Variants in ANKRD61 observed in about 807,000 individuals in gnomAD.
ANKRD61 encodes ankyrin repeat domain-containing protein 61.
In ANKRD61, 7 loss-of-function variants were observed where a neutral mutation model predicts 8.4. The observed-to-expected ratio is 0.84, with a 90% CI of 0.48 to 1.57. The LOEUF (loss-of-function observed/expected upper bound fraction) is 1.57. Among genes scored for constraint, ANKRD61 ranks in the 40% most tolerant of loss-of-function variants. The pLI, the probability that ANKRD61 is intolerant of heterozygous loss-of-function variation, is 0.00. For synonymous variants in ANKRD61, 198 were observed against 208.0 expected, an observed-to-expected ratio of 0.95 and a Z score of 0.41; for missense variants, 516 against 523.4, an observed-to-expected ratio of 0.99 and a Z score of 0.14.
In ANKRD61 at chr7:6,035,785, C is replaced by T. The variant is rs540450182; in HGVS notation, c.656C>T (p.Thr219Met). The T allele has an allele frequency of 2.3e-5, 35 of 1,551,078 alleles. No individual in the cohort carries two copies. Among genetic ancestry groups the T allele is most frequent in the Middle Eastern group, 1.7e-4 (1 of 5,998 alleles). Residue 219 changes from threonine (T) to methionine (M), a missense_variant, in exon 3 of 3, where the codon ACG (threonine) becomes ATG (methionine). By Grantham distance (81) the Thr-to-Met change is moderately conservative. Transcript: ENST00000409061. This position sits in a 1 kb window ranked among gnomAD's most constrained non-coding sequence, Gnocchi z 5.5. ...ANMLNKEMMETLIAYGANVNC... is the reference protein window; with the variant it reads ...ANMLNKEMMEMLIAYGANVNC... ...ATGCTGAATAAGGAGATGATGGAAACGCTCATTGCCTATGGAGCAAACGTC... is the reference window on the plus strand; with the variant it reads ...ATGCTGAATAAGGAGATGATGGAAATGCTCATTGCCTATGGAGCAAACGTC...
At position 6,033,637 on chromosome 7, in the gene ANKRD61, CTGGAG is replaced by C; in HGVS notation, c.314+704_314+708del. Among the ~76,000 whole-genome samples the C allele has an allele frequency of 6.6e-6, 1 of 151,646 alleles. No individual in the cohort carries two copies. The highest frequency in any genetic ancestry group is 2.0e-4 in the East Asian group (1 of 5,126). ...ACAGAGTCTCGCTCTGTCGCCCAGG[CTGGAG>C]TGCAGTGGCACCATTCTCCTGGGTT... On this transcript the variant is annotated intron_variant, in intron 2 of 2. Coordinates refer to ENST00000409061, the MANE Select transcript of ANKRD61 (RefSeq NM_001271700.2). This position sits in a 1 kb window ranked among gnomAD's most constrained non-coding sequence, Gnocchi z 4.4.
Position 6,034,474 on chromosome 7 carries a change from CCTTAGGGGACCCTTT to C in ANKRD61, c.315-968_315-954del, listed in dbSNP as rs1157458821. On this transcript the variant is annotated intron_variant, in intron 2 of 2. Coordinates refer to ENST00000409061, the MANE Select transcript of ANKRD61 (RefSeq NM_001271700.2). ...AACCATCACAGACTCGCCCCATTCT[CCTTAGGGGACCCTTT>C]CCTACCCTGCATACTGCATGCACTA... Among the ~76,000 whole-genome samples the C allele has an allele frequency of 5.9e-5, 9 of 152,192 alleles. No individual in the cohort carries two copies. In the East Asian group the frequency reaches 1.7e-3, roughly 29 times the overall value.
At position 6,035,883 on chromosome 7, in the gene ANKRD61, C is replaced by T. The variant is rs189141637; in HGVS notation, c.754C>T (p.Arg252Ter). 4.1e-5 allele frequency: 64 copies of T among 1,546,640 alleles called. 2 individuals are homozygous for T. The East Asian group carries it at 6.9e-4, about 17-fold the overall frequency. ...GTGCACTGCATCAAGCAAAGCAGGC[C>T]GACTCCTCGGGGCGGGGGTCAGCTG... Reference protein sequence around the residue: ...AVCTASSKAGRLLGAGVSCIR... With the variant: ...AVCTASSKAG The change falls in exon 3 of 3, where the codon CGA becomes TGA. Residue 252 changes from arginine to a stop codon, truncating the protein, a stop_gained. Transcript: ENST00000409061. LOFTEE classifies it low-confidence loss of function (END_TRUNC). The surrounding 1 kb of genome is among the most constrained non-coding windows in gnomAD (Gnocchi z 5.5).
intron 1 of ANKRD61, 38 bp downstream of exon 1, chr7:6,031,629 T>G (rs1024948832): frequency 1.3e-6 from 2 of 1,542,870 alleles, no homozygotes; most frequent in African/African-American, 1.4e-5. Context: ...TGGAAAAAAG[T>G]CAGGCTGCTT....
rs911225722 is a variant in ANKRD61, at chr7:6,033,425, C to G, written c.314+489C>G. ...ATACTCTGAAAAACTGAGAAAAATG[C>G]AACATCATAAATATTTTGCCAAATT... On this transcript the variant is annotated intron_variant, in intron 2 of 2. Transcript: ENST00000409061. The surrounding 1 kb of genome is among the most constrained non-coding windows in gnomAD (Gnocchi z 4.4). 8.5e-5 allele frequency among the ~76,000 whole-genome samples: 13 copies of G among 152,088 alleles called. No individual in the cohort carries two copies. Among genetic ancestry groups the G allele is most frequent in the Non-Finnish European group, 1.6e-4 (11 of 68,032 alleles).
Position 6,035,894 on chromosome 7 carries a change from G to A in ANKRD61, c.765G>A (p.Gly255=). ...TASSKAGRLL[G]AGVSCIRLLL... ...CAAGCAAAGCAGGCCGACTCCTCGG[G>A]GCGGGGGTCAGCTGCATCCGTCTGC... The change falls in exon 3 of 3, where the codon GGG becomes GGA. Residue 255 remains glycine (G), a synonymous_variant. Transcript: ENST00000409061. The surrounding 1 kb of genome is among the most constrained non-coding windows in gnomAD (Gnocchi z 5.5). 1 of 1,546,886 alleles carries A rather than the reference G, an allele frequency of 6.5e-7. No individual in the cohort carries two copies. Among genetic ancestry groups the A allele is most frequent in the Non-Finnish European group, 8.7e-7 (1 of 1,144,646 alleles).
rs1787969485 is a variant in ANKRD61 at position 6,033,273 on chromosome 7, C to G, written c.314+337C>G. Among the ~76,000 whole-genome samples the G allele has an allele frequency of 6.6e-6, 1 of 152,132 alleles. No individual in the cohort carries two copies. Among genetic ancestry groups the G allele is most frequent in the African/African-American group, 2.4e-5 (1 of 41,430 alleles). On this transcript the variant is annotated intron_variant, in intron 2 of 2. Transcript: ENST00000409061. The surrounding 1 kb of genome is among the most constrained non-coding windows in gnomAD (Gnocchi z 4.4). ...CCCTCAGCCACAGCACCCAGCTTCA[C>G]TGACAATCATTTCTAAGTGAGGATA...
At chr7:6,034,031 G>A (rs569473240) in intron 2 of ANKRD61, among the ~76,000 whole-genome samples, 4 of 151,172 alleles carry the variant, frequency 2.6e-5, no homozygotes, top group Non-Finnish European at 5.9e-5. Context: ...GAATTAAGTA[G>A]TATAGGCCGG....
At chr7:6,034,094 G>A (rs1403660451) in intron 2 of ANKRD61, among the ~76,000 whole-genome samples, 1 of 151,438 alleles carries the variant, frequency 6.6e-6, no homozygotes, top group Non-Finnish European at 1.5e-5. Context: ...GAGGTGGGTG[G>A]ATCATGAGGT....
chr7:6,035,131 A>G lies in ANKRD61; in HGVS notation c.315-313A>G, dbSNP rs1270507241. On this transcript the variant is annotated intron_variant, in intron 2 of 2. Transcript: ENST00000409061. This position sits in a 1 kb window ranked among gnomAD's most constrained non-coding sequence, Gnocchi z 5.5. ...AGCCCTAGCGGGGACGGCACAGGTA[A>G]AACAGGCTGCTCCAAGAAGCTGGGC... 6.6e-6 allele frequency among the ~76,000 whole-genome samples: 1 copy of G among 152,178 alleles called. No individual in the cohort carries two copies. Among genetic ancestry groups the G allele is most frequent in the Non-Finnish European group, 1.5e-5 (1 of 68,032 alleles).
In ANKRD61 at chr7:6,035,890, TC is replaced by T. The variant is rs1407622842; in HGVS notation, c.762del (p.Ala256ArgfsTer52). On this transcript the variant is annotated frameshift_variant, in exon 3 of 3. Coordinates refer to ENST00000409061, the MANE Select transcript of ANKRD61 (RefSeq NM_001271700.2). LOFTEE classifies it low-confidence loss of function (END_TRUNC). This position sits in a 1 kb window ranked among gnomAD's most constrained non-coding sequence, Gnocchi z 5.5. ...CTASSKAGRL[L>X]GAGVSCIRLL... ...GCATCAAGCAAAGCAGGCCGACTCC[TC>T]GGGGCGGGGGTCAGCTGCATCCGTC... The T allele has an allele frequency of 6.5e-7, 1 of 1,546,686 alleles. No homozygotes were observed. Among genetic ancestry groups the T allele is most frequent in the East Asian group, 2.4e-5 (1 of 40,840 alleles).
chr7:6,032,541 A>G lies in ANKRD61; in HGVS notation c.217-298A>G, dbSNP rs1230002641. 2.0e-5 allele frequency among the ~76,000 whole-genome samples: 3 copies of G among 152,242 alleles called. No individual in the cohort carries two copies. The highest frequency in any genetic ancestry group is 4.4e-5 in the Non-Finnish European group (3 of 68,036). On this transcript the variant is annotated intron_variant, in intron 1 of 2. Coordinates refer to ENST00000409061, the MANE Select transcript of ANKRD61 (RefSeq NM_001271700.2). This position sits in a 1 kb window ranked among gnomAD's most constrained non-coding sequence, Gnocchi z 4.3. ...CTTCATAGCAAGTACCCTTAATATC[A>G]CACCACAGGCTCTTCTGAAGAATCA...
chr7:6,031,494 A>G lies in ANKRD61; in HGVS notation c.119A>G (p.Asp40Gly). ...CTCTATGAAGCCATCATGAGAGAAG[A>G]CTGCACTACGATCGAGGTACTCCTG... is the stretch of plus-strand genomic sequence containing the variant. The part of the protein sequence containing the change: ...SKLYEAIMRE[D>G]CTTIEVLLRN... Residue 40 changes from aspartate to glycine, a missense_variant, in exon 1 of 3, where the codon GAC (aspartate) becomes GGC (glycine). Coordinates refer to ENST00000409061, the MANE Select transcript of ANKRD61 (RefSeq NM_001271700.2). The G allele has an allele frequency of 6.4e-7, 1 of 1,550,692 alleles. No individual in the cohort carries two copies. The highest frequency in any genetic ancestry group is 8.7e-7 in the Non-Finnish European group (1 of 1,147,006).
At chr7:6,034,718 G>C (rs1788026331) in intron 2 of ANKRD61, among the ~76,000 whole-genome samples, 2 of 152,216 alleles carry the variant, frequency 1.3e-5, no homozygotes, top group South Asian at 4.1e-4. Context: ...CAGCAGAGCA[G>C]TTAGATTTAC....
chr7:6,032,906 T>C lies in ANKRD61; in HGVS notation c.284T>C (p.Leu95Pro). The change falls in exon 2 of 3, where the codon CTG becomes CCG. Residue 95 changes from leucine (L) to proline (P), a missense_variant. Coordinates refer to ENST00000409061, the MANE Select transcript of ANKRD61 (RefSeq NM_001271700.2). The surrounding 1 kb of genome is among the most constrained non-coding windows in gnomAD (Gnocchi z 4.3). ...KYHKAQSLLC[L>P]LRHGADPEVR... is the part of the protein sequence containing the mutation. ...CACAAGGCCCAGAGTCTGCTCTGCC[T>C]GTTACGGCACGGTGCTGACCCAGAA... The C allele has an allele frequency of 7.7e-6, 12 of 1,550,972 alleles. No homozygotes were observed. The highest frequency in any genetic ancestry group is 1.0e-5 in the Non-Finnish European group (12 of 1,146,986).
At position 6,032,984 on chromosome 7, in the gene ANKRD61, T is replaced by C. The variant is rs1441149742; in HGVS notation, c.314+48T>C. The C allele has an allele frequency of 1.3e-6, 2 of 1,488,924 alleles. No individual in the cohort carries two copies. Among genetic ancestry groups the C allele is most frequent in the South Asian group, 1.2e-5 (1 of 82,626 alleles). 92.2% of individuals were successfully genotyped at this position (1,488,924 alleles called of 1,614,324 possible). On this transcript the variant is annotated intron_variant, in intron 2 of 2. Coordinates refer to ENST00000409061, the MANE Select transcript of ANKRD61 (RefSeq NM_001271700.2). This position sits in a 1 kb window ranked among gnomAD's most constrained non-coding sequence, Gnocchi z 4.3. ...CATTTCTTTTTTTTTCTTTTTTGTTTTGAGGCAGGGGTCTCGCTCTGTTGC... is the reference window on the plus strand; with the variant it reads ...CATTTCTTTTTTTTTCTTTTTTGTTCTGAGGCAGGGGTCTCGCTCTGTTGC...
Position 6,036,106 on chromosome 7 carries a change from G to A in ANKRD61, c.977G>A (p.Arg326Lys), listed in dbSNP as rs760922343. The A allele has an allele frequency of 8.4e-5, 131 of 1,550,730 alleles. No individual in the cohort carries two copies. Among genetic ancestry groups the A allele is most frequent in the Non-Finnish European group, 1.1e-4 (129 of 1,147,084 alleles). The change falls in exon 3 of 3, where the codon AGA (arginine) becomes AAA (lysine). Residue 326 changes from arginine (R) to lysine (K), a missense_variant. Physicochemically the swap from Arg to Lys is conservative, Grantham distance 26. Transcript: ENST00000409061. The surrounding 1 kb of genome is among the most constrained non-coding windows in gnomAD (Gnocchi z 4.6). Reference protein sequence around the residue: ...YMYLQRSCNVRDTALLARLLY... With the variant: ...YMYLQRSCNVKDTALLARLLY... ...TACCTTCAGCGCAGTTGCAATGTAA[G>A]AGATACGGCACTTCTGGCCAGGCTA...
chr7:6,036,330 C>A lies in ANKRD61; in HGVS notation c.1201C>A (p.Pro401Thr). 6.5e-7 allele frequency: 1 copy of A among 1,539,168 alleles called. No individual in the cohort carries two copies. The highest frequency in any genetic ancestry group is 8.7e-7 in the Non-Finnish European group (1 of 1,143,132). ...KYKQHLKQFL[P>T]VTIWNSVYCC... Reference sequence around the variant, plus strand: ...CAAACAGCACTTGAAGCAATTCCTCCCAGTGACAATATGGAATTCTGTCTA... The same window carrying A: ...CAAACAGCACTTGAAGCAATTCCTCACAGTGACAATATGGAATTCTGTCTA... Residue 401 changes from proline to threonine, a missense_variant, in exon 3 of 3, where the codon CCA becomes ACA. Transcript: ENST00000409061. The surrounding 1 kb of genome is among the most constrained non-coding windows in gnomAD (Gnocchi z 4.6).
At position 6,032,986 on chromosome 7, in the gene ANKRD61, G is replaced by C; in HGVS notation, c.314+50G>C. 1 of 1,471,624 alleles carries C rather than the reference G, an allele frequency of 6.8e-7. No individual in the cohort carries two copies. Among genetic ancestry groups the C allele is most frequent in the Non-Finnish European group, 9.2e-7 (1 of 1,083,704 alleles). The allele number at this position is 1,471,624 out of a possible 1,614,324, so 91.2% of individuals were successfully genotyped here. A position where few individuals can be genotyped will look rare whatever the true frequency, so the allele number is the denominator to read the frequency against. ...TTTCTTTTTTTTTCTTTTTTGTTTTGAGGCAGGGGTCTCGCTCTGTTGCCC... is the reference window on the plus strand; with the variant it reads ...TTTCTTTTTTTTTCTTTTTTGTTTTCAGGCAGGGGTCTCGCTCTGTTGCCC... On this transcript the variant is annotated intron_variant, in intron 2 of 2. Transcript: ENST00000409061. This position sits in a 1 kb window ranked among gnomAD's most constrained non-coding sequence, Gnocchi z 4.3.
Sources: allele counts gnomAD v4.1 joint callset (sites outside exome capture counted in the v4.1 genomes callset), GRCh38; gene constraint gnomAD v4.1.1; non-coding constraint Gnocchi (gnomAD v3.1); transcripts MANE v1.5; gene names NCBI Gene and HGNC (gene_info 2026-07-23, HGNC 2026-07-21).